DLG2: variants seen among roughly 807,000 people sequenced by gnomAD.
DLG2 encodes disks large homolog 2.
In DLG2, 45 loss-of-function variants were observed where a neutral mutation model predicts 132.5. The ratio of observed to expected loss-of-function variants is 0.34; its 90% CI spans 0.27 to 0.44. DLG2 has a LOEUF of 0.44. Ranked by LOEUF, DLG2 falls within the 20% of genes least tolerant of loss-of-function variation. The probability of loss-of-function intolerance (pLI) is 1.00; values close to 1 mark genes in which losing one functional copy is unlikely to be tolerated. For missense variants in DLG2, 1,045 were observed against 1,196.9 expected, an observed-to-expected ratio of 0.87 and a Z score of 1.87; for synonymous variants, 424 against 419.6, an observed-to-expected ratio of 1.01 and a Z score of -0.13.
intron 17 of DLG2, among the ~76,000 whole-genome samples, chr11:83,832,259 A>G (rs150427480): frequency 1.3e-5 from 2 of 152,308 alleles, no homozygotes; most frequent in African/African-American, 4.8e-5. Flanking sequence ...AACAAAAGGA[A>G]AATAATAATA....
chr11:83,577,310 ATATATAT>A (rs1565880050), intron 19 of DLG2, among the ~76,000 whole-genome samples: 3 of 150,572 alleles, frequency 2.0e-5, no homozygotes, highest in Non-Finnish European at 2.9e-5. Context: ...AATAGAATAT[ATATATAT>A]CTTATTAGTT....
chr11:85,594,478 T>A (rs1258958101), intron 3 of DLG2, among the ~76,000 whole-genome samples: 1 of 152,094 alleles, frequency 6.6e-6, no homozygotes, highest in Non-Finnish European at 1.5e-5. Flanking sequence ...CTCCAAAAAA[T>A]TCCCCCTCAC....
intron 17 of DLG2, among the ~76,000 whole-genome samples, chr11:83,828,137 C>T (rs1264950838): frequency 6.6e-6 from 1 of 152,134 alleles, no homozygotes; most frequent in Non-Finnish European, 1.5e-5. Flanking sequence ...TTTGACAATG[C>T]ATGAACACTA....
chr11:84,678,182 T>A lies in DLG2; in HGVS notation c.358-143451A>T, dbSNP rs2099719271. Among the ~76,000 whole-genome samples the A allele has an allele frequency of 1.3e-5, 2 of 152,144 alleles. 1 individual carries two copies. The highest frequency in any genetic ancestry group is 3.9e-4 in the East Asian group (2 of 5,156). ...GCTAACCTAGGCCTCCATAGCTGCTTTTCTCTTCCTTTCTCTCAGACTATG... is the reference window on the plus strand; with the variant it reads ...GCTAACCTAGGCCTCCATAGCTGCTATTCTCTTCCTTTCTCTCAGACTATG... On this transcript the variant is annotated intron_variant, in intron 6 of 27. Transcript: ENST00000376104.
intron 19 of DLG2, among the ~76,000 whole-genome samples, chr11:83,556,507 G>C (rs1294683183): frequency 6.6e-6 from 1 of 151,908 alleles, no homozygotes; most frequent in African/African-American, 2.4e-5. Flanking sequence ...TGTGTAGCTG[G>C]GACCACAGGC....
chr11:84,363,941 C>G (rs1169831543), intron 7 of DLG2, among the ~76,000 whole-genome samples: 4 of 152,110 alleles, frequency 2.6e-5, no homozygotes, highest in African/African-American at 7.2e-5. Context: ...AGTCAGGTAG[C>G]ATGATGCCTC....
At chr11:84,061,604 A>G (rs1300940828) in intron 10 of DLG2, among the ~76,000 whole-genome samples, 1 of 152,204 alleles carries the variant, frequency 6.6e-6, no homozygotes, top group Admixed American at 6.5e-5. Context: ...TGTTGTGTAT[A>G]TCAATTCAAA....
chr11:83,830,592 C>T (rs1416232901), intron 17 of DLG2, among the ~76,000 whole-genome samples: 1 of 152,176 alleles, frequency 6.6e-6, no homozygotes, highest in African/African-American at 2.4e-5. Context: ...TTCTTTATTG[C>T]TTTATGTGTT....
intron 3 of DLG2, among the ~76,000 whole-genome samples, chr11:85,481,616 C>A (rs1020442989): frequency 6.6e-6 from 1 of 152,122 alleles, no homozygotes; most frequent in Admixed American, 6.5e-5. Flanking sequence ...CCCCAACAGC[C>A]CCAAACTCCA....
At chr11:85,278,319 A>G (rs770559253) in intron 4 of DLG2, among the ~76,000 whole-genome samples, 4 of 152,218 alleles carry the variant, frequency 2.6e-5, no homozygotes, top group South Asian at 2.1e-4. Context: ...TCAATAAAAT[A>G]TCTACCATCA....
At chr11:84,722,282 G>T (rs2061924624) in intron 6 of DLG2, among the ~76,000 whole-genome samples, 1 of 152,078 alleles carries the variant, frequency 6.6e-6, no homozygotes, top group Non-Finnish European at 1.5e-5. Context: ...AGTATCCATG[G>T]CAAACTGTTA....
intron 6 of DLG2, among the ~76,000 whole-genome samples, chr11:84,706,582 A>C (rs1384234335): frequency 6.6e-6 from 1 of 151,802 alleles, no homozygotes; most frequent in Non-Finnish European, 1.5e-5. Flanking sequence ...GAACATTAAC[A>C]CGCTGGTACT....
At chr11:83,534,784 AAAAC>A (rs1471732124) in intron 20 of DLG2, among the ~76,000 whole-genome samples, 2 of 152,114 alleles carry the variant, frequency 1.3e-5, no homozygotes, top group Non-Finnish European at 2.9e-5. Context: ...TAAAAATACA[AAAAC>A]AAAAATTAAC....
intron 6 of DLG2, among the ~76,000 whole-genome samples, chr11:84,743,785 C>G (rs1352690932): frequency 6.6e-6 from 1 of 151,760 alleles, no homozygotes; most frequent in African/African-American, 2.4e-5. Context: ...AGTGCAGTGG[C>G]ACGATCTTGG....
chr11:83,709,278 TA>T, intron 18 of DLG2, among the ~76,000 whole-genome samples: 1 of 148,790 alleles, frequency 6.7e-6, no homozygotes, highest in Admixed American at 6.7e-5. Context: ...TATGTATATA[TA>T]CATATATGTA....
chr11:85,396,795 T>G (rs2087422776), intron 3 of DLG2, among the ~76,000 whole-genome samples: 1 of 152,096 alleles, frequency 6.6e-6, no homozygotes, highest in Non-Finnish European at 1.5e-5. Flanking sequence ...ACCAAATATA[T>G]GTTTGATTGG....
At chr11:84,122,296 G>T (rs1353636755) in intron 9 of DLG2, among the ~76,000 whole-genome samples, 1 of 152,084 alleles carries the variant, frequency 6.6e-6, no homozygotes, top group Non-Finnish European at 1.5e-5. Flanking sequence ...CTCCAGCCTG[G>T]GTGACAGAGC....
At chr11:84,981,692 A>G (rs1443727346) in intron 6 of DLG2, among the ~76,000 whole-genome samples, 2 of 152,170 alleles carry the variant, frequency 1.3e-5, no homozygotes, top group African/African-American at 4.8e-5. Flanking sequence ...TACCTAAAAA[A>G]AATAAATAAA....
At chr11:84,157,429 TA>T (rs961260353) in intron 9 of DLG2, among the ~76,000 whole-genome samples, 5 of 152,196 alleles carry the variant, frequency 3.3e-5, no homozygotes, top group African/African-American at 7.2e-5. Flanking sequence ...CACTACTTTT[TA>T]AAAAAATTTT....
Sources: gnomAD v4.1 joint callset for allele counts (sites outside exome capture counted in the v4.1 genomes callset) on GRCh38, gnomAD v4.1.1 for gene constraint, MANE v1.5 for transcripts, NCBI Gene and HGNC (gene_info 2026-07-23, HGNC 2026-07-21) for gene names.